RBP2: variants seen among roughly 807,000 people sequenced by gnomAD.
The protein encoded by RBP2 is retinol binding protein 2.
A neutral mutation model predicts 17.0 loss-of-function variants in RBP2; 17 were observed. That is an observed-to-expected ratio of 1.00 (90% CI 0.68 to 1.50). RBP2 has a LOEUF of 1.50. Ranked by LOEUF, RBP2 falls within the 40% of genes most tolerant of loss-of-function variation. RBP2 has a pLI of 0.00. For missense variants in RBP2, 158 were observed against 168.2 expected, an observed-to-expected ratio of 0.94 and a Z score of 0.33; for synonymous variants, 48 against 57.1, an observed-to-expected ratio of 0.84 and a Z score of 0.72.
chr3:139,463,871 A>G (rs763562293), intron 1 of RBP2, among the ~76,000 whole-genome samples: 4 of 152,242 alleles, frequency 2.6e-5, no homozygotes, highest in African/African-American at 9.6e-5. Context: ...AATTGATTCT[A>G]TTAAAACCCA....
intron 3 of RBP2, among the ~76,000 whole-genome samples, chr3:139,454,031 G>C (rs1372389369): frequency 6.6e-6 from 1 of 152,176 alleles, no homozygotes. Flanking sequence ...TCATTCCAAA[G>C]GTGAGTGAAT....
rs1206561804 is a variant in RBP2 at position 139,462,208 on chromosome 3, T to G, written c.156A>C (p.Thr52=). 1 of 1,614,066 alleles carries G rather than the reference T, an allele frequency of 6.2e-7. No individual in the cohort carries two copies. The highest frequency in any genetic ancestry group is 1.3e-5 in the African/African-American group (1 of 74,932). The part of the protein sequence containing the change: ...VIDQDGDNFK[T]KTTSTFRNYD... ...AGTTGCGGAATGTGCTAGTGGTTTT[T>G]GTCTTGAAGTTATCACCATCTTGAT... Residue 52 remains threonine (T), a synonymous_variant, in exon 2 of 4, where the codon ACA becomes ACC. Transcript: ENST00000232217.
chr3:139,462,558 A>ACCACACACAC (rs1933225306), intron 1 of RBP2, among the ~76,000 whole-genome samples: 1 of 121,348 alleles, frequency 8.2e-6, no homozygotes, highest in Non-Finnish European at 1.6e-5. Flanking sequence ...GCAGCTCCCC[A>ACCACACACAC]ACACACACAC....
intron 1 of RBP2, among the ~76,000 whole-genome samples, chr3:139,469,258 T>C (rs1205079984): frequency 6.6e-6 from 1 of 152,098 alleles, no homozygotes; most frequent in Non-Finnish European, 1.5e-5. Flanking sequence ...CCATGCCACT[T>C]CCTCCTCCAG....
At chr3:139,476,329 G>A in intron 1 of RBP2, 58 bp downstream of exon 1, 1 of 1,455,854 alleles carries the variant, frequency 6.9e-7, no homozygotes, top group South Asian at 1.2e-5. Context: ...TGTCTGGAGG[G>A]CCAGACCACA....
intron 2 of RBP2, among the ~76,000 whole-genome samples, chr3:139,460,547 T>C (rs962875519): frequency 1.3e-5 from 2 of 152,190 alleles, no homozygotes; most frequent in African/African-American, 4.8e-5. Flanking sequence ...CAGCTTTTCC[T>C]CCCCACCCCA....
At chr3:139,470,483 A>T (rs1933526600) in intron 1 of RBP2, among the ~76,000 whole-genome samples, 1 of 151,766 alleles carries the variant, frequency 6.6e-6, no homozygotes, top group South Asian at 2.1e-4. Flanking sequence ...CCCTCCTATG[A>T]TTCATTTTCC....
At chr3:139,465,883 C>T (rs1031418595) in intron 1 of RBP2, among the ~76,000 whole-genome samples, 1 of 152,108 alleles carries the variant, frequency 6.6e-6, no homozygotes, top group Non-Finnish European at 1.5e-5. Flanking sequence ...TACGTGAGCA[C>T]GTCCAAGTCA....
intron 1 of RBP2, among the ~76,000 whole-genome samples, chr3:139,472,623 C>T (rs1367750182): frequency 6.6e-6 from 1 of 152,172 alleles, no homozygotes; most frequent in African/African-American, 2.4e-5. Context: ...GCCAGACATG[C>T]ATATGAGTAA....
At chr3:139,463,732 C>G (rs1212075300) in intron 1 of RBP2, among the ~76,000 whole-genome samples, 1 of 152,148 alleles carries the variant, frequency 6.6e-6, no homozygotes, top group Admixed American at 6.5e-5. Context: ...ATGAAATCAT[C>G]ACTCTTGGTC....
At chr3:139,474,954 C>G (rs560783859) in intron 1 of RBP2, among the ~76,000 whole-genome samples, 4 of 152,078 alleles carry the variant, frequency 2.6e-5, no homozygotes, top group Admixed American at 6.6e-5. Context: ...CTTCCTCCTC[C>G]CAACTATATT....
chr3:139,472,352 A>C (rs899132473), intron 1 of RBP2, among the ~76,000 whole-genome samples: 1 of 152,224 alleles, frequency 6.6e-6, no homozygotes, highest in Non-Finnish European at 1.5e-5. Context: ...TTACAATGCA[A>C]CCTTGACATT....
intron 2 of RBP2, among the ~76,000 whole-genome samples, chr3:139,457,246 T>C (rs1406709820): frequency 2.0e-5 from 3 of 152,372 alleles, no homozygotes; most frequent in Admixed American, 2.0e-4. Context: ...ATTTGCTTCC[T>C]TGCCTTAGTT....
At chr3:139,456,415 A>G (rs74979523) in intron 2 of RBP2, among the ~76,000 whole-genome samples, 3 of 152,318 alleles carry the variant, frequency 2.0e-5, no homozygotes, top group Non-Finnish European at 4.4e-5. Flanking sequence ...TTTACTCCCC[A>G]GTGCATCACA....
chr3:139,470,028 T>C (rs1933506283), intron 1 of RBP2, among the ~76,000 whole-genome samples: 1 of 152,208 alleles, frequency 6.6e-6, no homozygotes, highest in Non-Finnish European at 1.5e-5. Context: ...ACGGAAGGCA[T>C]TTCTTCTGAA....
intron 1 of RBP2, among the ~76,000 whole-genome samples, chr3:139,470,814 T>G (rs139386188): frequency 6.6e-6 from 1 of 152,074 alleles, no homozygotes; most frequent in Non-Finnish European, 1.5e-5. Context: ...CATGAACTCC[T>G]GGCCTCATGT....
At chr3:139,469,315 C>T (rs1212991904) in intron 1 of RBP2, among the ~76,000 whole-genome samples, 5 of 152,186 alleles carry the variant, frequency 3.3e-5, no homozygotes, top group African/African-American at 9.7e-5. Flanking sequence ...CCTGCCTCCT[C>T]CTCTCACTTC....
intron 1 of RBP2, among the ~76,000 whole-genome samples, chr3:139,465,887 C>G (rs956821199): frequency 6.6e-6 from 1 of 152,166 alleles, no homozygotes; most frequent in Non-Finnish European, 1.5e-5. Flanking sequence ...TGAGCACGTC[C>G]AAGTCACATA....
At chr3:139,455,860 G>A (rs144647295) in intron 2 of RBP2, among the ~76,000 whole-genome samples, 24 of 152,336 alleles carry the variant, frequency 1.6e-4, no homozygotes, top group African/African-American at 5.8e-4. Context: ...TGGCCAGCAG[G>A]TTGGAGAAGC....
Sources: gnomAD v4.1 joint callset for allele counts (sites outside exome capture counted in the v4.1 genomes callset) on GRCh38, gnomAD v4.1.1 for gene constraint, MANE v1.5 for transcripts, NCBI Gene and HGNC (gene_info 2026-07-23, HGNC 2026-07-21) for gene names.